The following DOCK10 variants were observed in gnomAD, a reference collection of about 807,000 sequenced individuals.
The protein encoded by DOCK10 is dedicator of cytokinesis 10.
In DOCK10, 145 loss-of-function variants were observed where a neutral mutation model predicts 280.1. The ratio of observed to expected loss-of-function variants is 0.52; its 90% confidence interval spans 0.45 to 0.59. The LOEUF is 0.59. Among genes scored for constraint, DOCK10 ranks in the 20% least tolerant of loss-of-function variants. The pLI is 0.00. For synonymous variants in DOCK10, 915 were observed against 942.2 expected, an observed-to-expected ratio of 0.97 and a Z score of 0.53; for missense variants, 2,368 against 2,651.7, an observed-to-expected ratio of 0.89 and a Z score of 2.35.
chr2:224,928,118 G>A (rs7558808), intron 2 of DOCK10, among the ~76,000 whole-genome samples: 87,051 of 151,968 alleles, frequency 0.57, 25,629 homozygotes, highest in Non-Finnish European at 0.64. Context: ...GGTGCGCCAC[G>A]TCCCTAAAAT....
chr2:224,835,203 A>G (rs2125422260), intron 25 of DOCK10, among the ~76,000 whole-genome samples: 1 of 152,376 alleles, frequency 6.6e-6, no homozygotes, highest in East Asian at 1.9e-4. Context: ...ACTAGATAAA[A>G]TCAAGAGTAA....
chr2:224,966,750 T>G (rs1704766017), intron 1 of DOCK10, among the ~76,000 whole-genome samples: 1 of 152,228 alleles, frequency 6.6e-6, no homozygotes, highest in Admixed American at 6.5e-5. Flanking sequence ...CATATTAAGT[T>G]TCTTTGGACC....
intron 1 of DOCK10, among the ~76,000 whole-genome samples, chr2:224,949,043 G>C (rs866860696): frequency 1.3e-5 from 2 of 152,144 alleles, no homozygotes; most frequent in Non-Finnish European, 2.9e-5. Flanking sequence ...TTGGCAAAAA[G>C]AGGCATCACC....
chr2:225,001,364 A>G (rs1575158621), intron 1 of DOCK10, among the ~76,000 whole-genome samples: 1 of 142,476 alleles, frequency 7.0e-6, no homozygotes, highest in Admixed American at 7.3e-5. Context: ...ATCTCAGCTC[A>G]CTGCAAGCTC....
chr2:225,006,264 T>C (rs1689245322), intron 1 of DOCK10, among the ~76,000 whole-genome samples: 1 of 152,196 alleles, frequency 6.6e-6, no homozygotes, highest in Non-Finnish European at 1.5e-5. Flanking sequence ...CTAACTGCAA[T>C]TCTTGTCTTT....
chr2:224,966,295 C>A (rs376759112), intron 1 of DOCK10, among the ~76,000 whole-genome samples: 4 of 120,366 alleles, frequency 3.3e-5, no homozygotes, highest in South Asian at 3.3e-4. Flanking sequence ...TGCCCCACCC[C>A]CCACCCCCCG....
At chr2:224,787,229 C>A in intron 49 of DOCK10, 46 bp downstream of exon 49, 2 of 1,611,970 alleles carry the variant, frequency 1.2e-6, no homozygotes. Flanking sequence ...TTTTCCAATT[C>A]AACATAGGAT....
intron 1 of DOCK10, among the ~76,000 whole-genome samples, chr2:224,987,707 T>G (rs368747818): frequency 1.3e-5 from 2 of 152,182 alleles, no homozygotes; most frequent in African/African-American, 4.8e-5. Context: ...CTTCTCTCCC[T>G]GATCCCAGGG....
intron 1 of DOCK10, among the ~76,000 whole-genome samples, chr2:225,022,820 T>C (rs1689817237): frequency 6.6e-6 from 1 of 152,212 alleles, no homozygotes; most frequent in Non-Finnish European, 1.5e-5. Context: ...AAAGTTGGTA[T>C]ACATGGAATT....
intron 50 of DOCK10, among the ~76,000 whole-genome samples, chr2:224,782,489 T>C (rs1166319319): frequency 6.6e-6 from 1 of 152,246 alleles, no homozygotes; most frequent in Non-Finnish European, 1.5e-5. Flanking sequence ...TTCATTACTA[T>C]GGAAATCAAT....
At chr2:224,964,808 C>T (rs925909747) in intron 1 of DOCK10, among the ~76,000 whole-genome samples, 1 of 152,222 alleles carries the variant, frequency 6.6e-6, no homozygotes, top group African/African-American at 2.4e-5. Flanking sequence ...CTCCCTTCGG[C>T]CACTGAACCT....
intron 1 of DOCK10, chr2:224,983,832 A>C (rs1705874539): frequency 4.2e-6 from 2 of 470,974 alleles, no homozygotes; most frequent in South Asian, 3.1e-5. Context: ...GAAGAAAAAA[A>C]ATGCTAATGA....
intron 26 of DOCK10, among the ~76,000 whole-genome samples, chr2:224,831,214 T>A (rs1453460994): frequency 6.6e-6 from 1 of 152,148 alleles, no homozygotes; most frequent in Non-Finnish European, 1.5e-5. Flanking sequence ...GGATTACAGT[T>A]GAGAGCCACC....
In DOCK10 at chr2:224,805,492, A is replaced by G; in HGVS notation, c.3852T>C (p.Ala1284=). ...GACTTGCTAAAGATGCTCTGGAGTC[A>G]GCATGGTTTACTGTAGAAATAGCTA... ...SSIAISTVNH[A]DSRASLASLD... is the part of the protein sequence containing the mutation. Residue 1284 remains alanine, a synonymous_variant, in exon 35 of 56, where the codon GCT becomes GCC. Coordinates refer to ENST00000258390, the MANE Select transcript of DOCK10 (RefSeq NM_014689.3). The surrounding 1 kb of genome is among the most constrained non-coding windows in gnomAD (Gnocchi z 4.3). 1 of 1,612,716 alleles carries G rather than the reference A, an allele frequency of 6.2e-7. No individual in the cohort carries two copies. The highest frequency in any genetic ancestry group is 1.1e-5 in the South Asian group (1 of 91,064).
At chr2:224,950,182 A>T (rs1703649201) in intron 1 of DOCK10, among the ~76,000 whole-genome samples, 3 of 152,256 alleles carry the variant, frequency 2.0e-5, no homozygotes, top group Non-Finnish European at 4.4e-5. Flanking sequence ...GATGGTTTGC[A>T]TTAATCTAGA....
At chr2:224,997,823 T>C (rs1706317107) in intron 1 of DOCK10, among the ~76,000 whole-genome samples, 1 of 151,918 alleles carries the variant, frequency 6.6e-6, no homozygotes, top group Non-Finnish European at 1.5e-5. Context: ...AAACACGCAA[T>C]ATGGTTCAAA....
At chr2:225,005,859 G>T (rs768372519) in intron 1 of DOCK10, among the ~76,000 whole-genome samples, 1 of 152,190 alleles carries the variant, frequency 6.6e-6, no homozygotes, top group Non-Finnish European at 1.5e-5. Context: ...ATGATCCAAT[G>T]TTATTTAAAG....
intron 50 of DOCK10, among the ~76,000 whole-genome samples, chr2:224,780,711 G>A (rs1691266465): frequency 1.3e-5 from 2 of 151,962 alleles, no homozygotes; most frequent in South Asian, 4.1e-4. Context: ...GACCATCCTG[G>A]CCAACACAGT....
rs761502552 is a variant in DOCK10 at position 224,845,542 on chromosome 2, T to A, written c.2336A>T (p.Lys779Met). 1.2e-6 allele frequency: 2 copies of A among 1,612,478 alleles called. No homozygotes were observed. The highest frequency in any genetic ancestry group is 2.2e-5 in the East Asian group (1 of 44,872). ...CDINAKANAKKKEALETSVGY... is the reference protein window; with the variant it reads ...CDINAKANAKMKEALETSVGY... ...ACCTGACGTTTCCAGAGCCTCCTTC[T>A]TTTTGGCATTAGCTTTTGCATTGAT... is the stretch of plus-strand genomic sequence containing the variant. The change falls in exon 20 of 56, where the codon AAG becomes ATG. Residue 779 changes from lysine (K) to methionine (M), a missense_variant. Physicochemically the swap from Lys to Met is moderately conservative, Grantham distance 95. Coordinates refer to ENST00000258390, the MANE Select transcript of DOCK10 (RefSeq NM_014689.3).
Sources: gnomAD v4.1 joint callset for allele counts (sites outside exome capture counted in the v4.1 genomes callset) on GRCh38, gnomAD v4.1.1 for gene constraint, Gnocchi (gnomAD v3.1) non-coding constraint, MANE v1.5 for transcripts, NCBI Gene and HGNC (gene_info 2026-07-23, HGNC 2026-07-21) for gene names.